SPTBN1: variants seen among roughly 807,000 people sequenced by gnomAD.
SPTBN1 encodes the protein spectrin beta, non-erythrocytic 1.
Under a neutral mutation model 266.4 loss-of-function variants are expected in SPTBN1, and 32 were observed. The observed-to-expected ratio is 0.12, with a 90% CI of 0.09 to 0.16. SPTBN1 has a LOEUF of 0.16. SPTBN1 is among the 10% of genes least tolerant of loss of function. SPTBN1 has a pLI of 1.00. For missense variants in SPTBN1, 2,296 were observed against 3,067.1 expected (o/e 0.75, Z 5.94); for synonymous variants, 1,336 against 1,162.2 (o/e 1.15, Z -3.04).
chr2:54,556,417 A>G (rs928896075), intron 2 of SPTBN1, among the ~76,000 whole-genome samples: 1 of 152,234 alleles, frequency 6.6e-6, no homozygotes, highest in African/African-American at 2.4e-5. Flanking sequence ...TTAATTAAAA[A>G]TTATTTCATG....
chr2:54,563,098 G>A (rs201320944), intron 2 of SPTBN1, among the ~76,000 whole-genome samples: 12 of 152,142 alleles, frequency 7.9e-5, no homozygotes, highest in Non-Finnish European at 1.8e-4. Flanking sequence ...TAGGCTGCAC[G>A]GTGTTCTGTA....
chr2:54,470,258 C>T (rs945815324), intron 1 of SPTBN1, among the ~76,000 whole-genome samples: 6 of 151,778 alleles, frequency 4.0e-5, no homozygotes, highest in Admixed American at 1.3e-4. Flanking sequence ...ATATTTTTTC[C>T]GGCTGTGAAG....
chr2:54,550,360 G>A (rs1045752213), intron 2 of SPTBN1, among the ~76,000 whole-genome samples: 26 of 152,180 alleles, frequency 1.7e-4, no homozygotes, highest in African/African-American at 6.3e-4. Flanking sequence ...AAGCTCAGGT[G>A]CTGAGGAGGA....
Position 54,670,025 on chromosome 2 carries a change from C to T in SPTBN1, c.*1456C>T, listed in dbSNP as rs1681633670. On this transcript the variant is annotated 3_prime_UTR_variant, in exon 36 of 36. Transcript: ENST00000356805. ...TAACTGTCTCTGTTGCTCAATTCTGCTGTTGCGTAATACAAAGGCAGCCAT... is the reference window on the plus strand; with the variant it reads ...TAACTGTCTCTGTTGCTCAATTCTGTTGTTGCGTAATACAAAGGCAGCCAT... 6.6e-6 allele frequency: 1 copy of T among 152,178 alleles called. No homozygotes were observed. Among genetic ancestry groups the T allele is most frequent in the East Asian group, 1.9e-4 (1 of 5,202 alleles). The allele number at this position is 152,178 out of a possible 1,614,324, so 9.4% of individuals were successfully genotyped here.
intron 2 of SPTBN1, among the ~76,000 whole-genome samples, chr2:54,594,109 G>A (rs1343136384): frequency 6.6e-6 from 1 of 152,102 alleles, no homozygotes; most frequent in Admixed American, 6.5e-5. Flanking sequence ...GATTATAGGT[G>A]TGAGCCACTG....
At chr2:54,637,143 T>A (rs1202805463) in intron 17 of SPTBN1, among the ~76,000 whole-genome samples, 3 of 152,224 alleles carry the variant, frequency 2.0e-5, no homozygotes, top group Non-Finnish European at 1.5e-5. Context: ...TGTTTTAACT[T>A]CTTTGAGCTT....
At chr2:54,569,211 G>C (rs1483479318) in intron 2 of SPTBN1, among the ~76,000 whole-genome samples, 2 of 152,132 alleles carry the variant, frequency 1.3e-5, no homozygotes, top group African/African-American at 4.8e-5. Flanking sequence ...TCAGTTCTTG[G>C]CTGGCAACAC....
intron 7 of SPTBN1, 143 bp downstream of exon 7, chr2:54,618,336 AT>A: frequency 1.4e-6 from 1 of 691,556 alleles, no homozygotes; most frequent in Non-Finnish European, 2.4e-6. Context: ...TTTTTTGAGG[AT>A]TTATGGAAAG....
At chr2:54,613,958 AC>A (rs771041929) in intron 4 of SPTBN1, among the ~76,000 whole-genome samples, 1 of 152,210 alleles carries the variant, frequency 6.6e-6, no homozygotes, top group African/African-American at 2.4e-5. Flanking sequence ...GCGGGTCAGC[AC>A]CCAGGTCAGG....
chr2:54,613,799 G>C (rs1288098330), intron 4 of SPTBN1, among the ~76,000 whole-genome samples: 1 of 152,196 alleles, frequency 6.6e-6, no homozygotes, highest in South Asian at 2.1e-4. Flanking sequence ...TACTGCTCTT[G>C]TGTCTTATGG....
In SPTBN1 at chr2:54,461,594, C is replaced by A. The variant is rs562500222; in HGVS notation, c.-48+5076C>A. On this transcript the variant is annotated intron_variant, in intron 1 of 35. Transcript: ENST00000356805. ...GCCATAAGTGTTACAGTTCCAAAGC[C>A]TTGCCAGTGCTTCACATACCAGGCT... is the stretch of plus-strand genomic sequence containing the variant. Among the ~76,000 whole-genome samples the A allele has an allele frequency of 3.3e-5, 5 of 152,344 alleles. 1 individual carries two copies. In the East Asian group the frequency reaches 9.6e-4, roughly 29 times the overall value.
chr2:54,600,939 A>G (rs970815067), intron 3 of SPTBN1, among the ~76,000 whole-genome samples: 6 of 152,032 alleles, frequency 3.9e-5, no homozygotes, highest in Non-Finnish European at 8.8e-5. Context: ...TGTGTCCTTG[A>G]TAATGTCCAC....
intron 1 of SPTBN1, among the ~76,000 whole-genome samples, chr2:54,494,203 G>A (rs1668842183): frequency 6.6e-6 from 1 of 152,140 alleles, no homozygotes; most frequent in African/African-American, 2.4e-5. Flanking sequence ...AATTACAGAG[G>A]ATGATTATTC....
chr2:54,501,296 CT>C (rs900138500), intron 1 of SPTBN1, among the ~76,000 whole-genome samples: 1 of 151,488 alleles, frequency 6.6e-6, no homozygotes, highest in Admixed American at 6.6e-5. Context: ...CTCTTTGGCT[CT>C]TTTTTTTTCT....
At chr2:54,469,544 G>A (rs1037251653) in intron 1 of SPTBN1, among the ~76,000 whole-genome samples, 7 of 152,210 alleles carry the variant, frequency 4.6e-5, no homozygotes, top group Non-Finnish European at 7.3e-5. Context: ...GGAAATGCTT[G>A]ATGGTTACTG....
intron 2 of SPTBN1, among the ~76,000 whole-genome samples, chr2:54,539,803 G>A (rs942426203): frequency 2.0e-5 from 3 of 152,130 alleles, no homozygotes; most frequent in Admixed American, 6.6e-5. Context: ...TGGCTTCCCA[G>A]AGTGCTGAGA....
chr2:54,492,693 G>C (rs1217345433), intron 1 of SPTBN1, among the ~76,000 whole-genome samples: 2 of 152,264 alleles, frequency 1.3e-5, no homozygotes, highest in South Asian at 4.1e-4. Flanking sequence ...ACATGGACAC[G>C]TCTCTTATGT....
At chr2:54,506,045 A>G (rs971247201) in intron 1 of SPTBN1, among the ~76,000 whole-genome samples, 1 of 151,918 alleles carries the variant, frequency 6.6e-6, no homozygotes, top group Non-Finnish European at 1.5e-5. Context: ...AATGGCGTCA[A>G]CCCGGGAGGT....
At chr2:54,507,130 C>T (rs990062686) in intron 1 of SPTBN1, among the ~76,000 whole-genome samples, 4 of 152,024 alleles carry the variant, frequency 2.6e-5, no homozygotes, top group Non-Finnish European at 5.9e-5. Context: ...TTACAAAGTA[C>T]ATTGATCGGT....
Sources: gnomAD v4.1 joint callset for allele counts (sites outside exome capture counted in the v4.1 genomes callset) on GRCh38, gnomAD v4.1.1 for gene constraint, MANE v1.5 for transcripts, NCBI Gene and HGNC (gene_info 2026-07-23, HGNC 2026-07-21) for gene names.